The following CACNA2D3 variants were observed in gnomAD, a reference collection of about 807,000 sequenced individuals.
The protein encoded by CACNA2D3 is voltage-dependent calcium channel subunit alpha-2/delta-3.
A neutral mutation model predicts 160.6 loss-of-function variants in CACNA2D3; 60 were observed. That is an observed-to-expected ratio of 0.37 (90% CI 0.30 to 0.46). The LOEUF (loss-of-function observed/expected upper bound fraction) is 0.46, where lower values mean the gene tolerates loss of function less well. CACNA2D3 is among the 20% of genes least tolerant of loss of function. The pLI is 1.00. For missense variants in CACNA2D3, 1,205 were observed against 1,365.0 expected (o/e 0.88, Z 1.85); for synonymous variants, 558 against 492.9 (o/e 1.13, Z -1.75).
At chr3:55,053,135 G>A (rs1028785745) in intron 35 of CACNA2D3, among the ~76,000 whole-genome samples, 2 of 151,880 alleles carry the variant, frequency 1.3e-5, no homozygotes, top group Non-Finnish European at 2.9e-5. Context: ...CTTCCTCTTT[G>A]TAATCCCTCC....
chr3:54,301,487 A>G (rs1029661982), intron 2 of CACNA2D3, among the ~76,000 whole-genome samples: 1 of 152,148 alleles, frequency 6.6e-6, no homozygotes, highest in East Asian at 1.9e-4. Context: ...ACAATAAATT[A>G]CAATTATTTA....
At chr3:54,174,331 C>T (rs1422255866) in intron 2 of CACNA2D3, among the ~76,000 whole-genome samples, 3 of 152,162 alleles carry the variant, frequency 2.0e-5, no homozygotes, top group Non-Finnish European at 4.4e-5. Flanking sequence ...CAGTCCTACC[C>T]ACAGACAGGC....
intron 11 of CACNA2D3, among the ~76,000 whole-genome samples, chr3:54,731,316 A>G (rs1701380269): frequency 6.6e-6 from 1 of 152,184 alleles, no homozygotes; most frequent in South Asian, 2.1e-4. Context: ...GAAGCACACT[A>G]CTATTCCTGT....
intron 11 of CACNA2D3, among the ~76,000 whole-genome samples, chr3:54,741,284 T>G (rs1341213244): frequency 6.6e-6 from 1 of 152,184 alleles, no homozygotes; most frequent in Non-Finnish European, 1.5e-5. Context: ...CTCTTTAGGG[T>G]CTAGGCAAAG....
At chr3:54,763,884 TATATATGTATGTG>T (rs1702165208) in intron 12 of CACNA2D3, among the ~76,000 whole-genome samples, 2 of 13,754 alleles carry the variant, frequency 1.5e-4, no homozygotes, top group African/African-American at 5.4e-4. Context: ...TATATATGTA[TATATATGTATGTG>T]GGGGGGGGGG....
intron 20 of CACNA2D3, among the ~76,000 whole-genome samples, chr3:54,879,914 G>A (rs1699751687): frequency 6.6e-6 from 1 of 152,130 alleles, no homozygotes; most frequent in Non-Finnish European, 1.5e-5. Flanking sequence ...AAATGGCTTT[G>A]CCTCATTGGC....
chr3:54,400,266 C>G (rs555418958), intron 4 of CACNA2D3, among the ~76,000 whole-genome samples: 1 of 151,702 alleles, frequency 6.6e-6, no homozygotes, highest in African/African-American at 2.4e-5. Flanking sequence ...TCTTCTGTGT[C>G]GCTCACGCTG....
intron 11 of CACNA2D3, among the ~76,000 whole-genome samples, chr3:54,736,057 G>GTATGTATATATACATATATA (rs1559563616): frequency 2.3e-5 from 1 of 42,842 alleles, no homozygotes; most frequent in African/African-American, 9.8e-5. Flanking sequence ...ACATACATAT[G>GTATGTATATATACATATATA]TATGTATATA....
intron 27 of CACNA2D3, among the ~76,000 whole-genome samples, chr3:54,925,891 C>G (rs529118024): frequency 6.6e-6 from 1 of 152,304 alleles, no homozygotes; most frequent in East Asian, 1.9e-4. Flanking sequence ...GTTGTAATTC[C>G]ATGAACAAGG....
intron 18 of CACNA2D3, chr3:54,878,603 A>G (rs1016549699): frequency 7.6e-5 from 11 of 145,172 alleles, no homozygotes; most frequent in East Asian, 4.0e-4. Context: ...CTTTTTAACT[A>G]CTGTGTAGGA....
At chr3:54,409,504 G>A (rs1376864271) in intron 4 of CACNA2D3, among the ~76,000 whole-genome samples, 1 of 152,170 alleles carries the variant, frequency 6.6e-6, no homozygotes, top group African/African-American at 2.4e-5. Flanking sequence ...CAAGCGAAAG[G>A]AAGAGTCACA....
chr3:54,750,093 C>T (rs1701830388), intron 11 of CACNA2D3, among the ~76,000 whole-genome samples: 1 of 152,186 alleles, frequency 6.6e-6, no homozygotes, highest in Non-Finnish European at 1.5e-5. Flanking sequence ...AAATAGGTTG[C>T]CATCTTTTAA....
intron 8 of CACNA2D3, among the ~76,000 whole-genome samples, chr3:54,581,117 G>C (rs1702669201): frequency 1.3e-5 from 2 of 152,190 alleles, no homozygotes; most frequent in Admixed American, 1.3e-4. Context: ...AGATGTGTAA[G>C]GACCGGCCTC....
intron 2 of CACNA2D3, among the ~76,000 whole-genome samples, chr3:54,210,403 T>C (rs1008223451): frequency 1.3e-5 from 2 of 152,024 alleles, no homozygotes; most frequent in African/African-American, 4.8e-5. Context: ...ATTTTAAAAA[T>C]CTATACACTG....
intron 11 of CACNA2D3, among the ~76,000 whole-genome samples, chr3:54,655,099 G>A (rs1559540611): frequency 6.6e-6 from 1 of 152,200 alleles, no homozygotes; most frequent in Non-Finnish European, 1.5e-5. Flanking sequence ...GGAATACCCA[G>A]TAATGACTGG....
intron 4 of CACNA2D3, among the ~76,000 whole-genome samples, chr3:54,466,717 T>G (rs1700634065): frequency 6.6e-6 from 1 of 152,190 alleles, no homozygotes; most frequent in Non-Finnish European, 1.5e-5. Flanking sequence ...ACCAATCTCA[T>G]TATAATGTTG....
chr3:54,417,498 T>G (rs972176600), intron 4 of CACNA2D3, among the ~76,000 whole-genome samples: 1 of 152,070 alleles, frequency 6.6e-6, no homozygotes, highest in East Asian at 1.9e-4. Flanking sequence ...GATTCTGATC[T>G]TTTACATGGA....
intron 4 of CACNA2D3, among the ~76,000 whole-genome samples, chr3:54,434,994 TAGTGTA>T (rs1700039965): frequency 6.6e-6 from 1 of 152,200 alleles, no homozygotes; most frequent in South Asian, 2.1e-4. Flanking sequence ...AATGGACATG[TAGTGTA>T]AGCCCAGCAG....
rs144771517 is a variant in CACNA2D3 at position 55,020,819 on chromosome 3, C to G, written c.2987+2502C>G. On this transcript the variant is annotated intron_variant, in intron 35 of 37. Coordinates refer to ENST00000474759, the MANE Select transcript of CACNA2D3 (RefSeq NM_018398.3). ...TGAGCCAATATCTCAGCACTGCACT[C>G]CAGCCCGGCAACAGAGCTAGATTCC... Among the ~76,000 whole-genome samples, 684 of 151,822 alleles carry G rather than the reference C, an allele frequency of 4.5e-3. 3 individuals carry two copies. Among genetic ancestry groups the G allele is most frequent in the Non-Finnish European group, 6.7e-3 (455 of 67,936 alleles).
Sources: gnomAD v4.1 joint callset for allele counts (sites outside exome capture counted in the v4.1 genomes callset) on GRCh38, gnomAD v4.1.1 for gene constraint, MANE v1.5 for transcripts, NCBI Gene and HGNC (gene_info 2026-07-23, HGNC 2026-07-21) for gene names.